SYT16: variants seen among roughly 807,000 people sequenced by gnomAD.
SYT16 encodes the protein synaptotagmin 16, also known as synaptotagmin-16.
SYT16 carries 42 observed loss-of-function variants against 61.4 expected under a neutral mutation model. The observed-to-expected ratio is 0.68, with a 90% CI of 0.53 to 0.89. The LOEUF (loss-of-function observed/expected upper bound fraction) is 0.89. Among genes scored for constraint, SYT16 ranks in the 40% least tolerant of loss-of-function variants. The probability of loss-of-function intolerance (pLI) is 0.00; values close to 1 mark genes in which losing one functional copy is unlikely to be tolerated. For synonymous variants in SYT16, 314 were observed against 302.3 expected (o/e 1.04, Z -0.40); for missense variants, 804 against 807.3 (o/e 1.00, Z 0.05).
At chr14:61,962,611 A>G (rs1408543752) in intron 1 of SYT16, among the ~76,000 whole-genome samples, 1 of 151,886 alleles carries the variant, frequency 6.6e-6, no homozygotes, top group Admixed American at 6.6e-5. Context: ...CCCTTTCTAT[A>G]TTCTCCTTTT....
At chr14:61,834,115 C>T (rs1339462690) in intron 1 of SYT16, among the ~76,000 whole-genome samples, 4 of 151,782 alleles carry the variant, frequency 2.6e-5, no homozygotes, top group South Asian at 2.1e-4. Context: ...GTATACTACA[C>T]GGTTAAATGT....
chr14:62,069,457 CT>C (rs1318370293), intron 3 of SYT16, 145 bp from the exon 4 acceptor site: 4 of 756,190 alleles, frequency 5.3e-6, no homozygotes. Context: ...TGCAAAAGTG[CT>C]TTAAATTTTT....
intron 2 of SYT16, among the ~76,000 whole-genome samples, chr14:61,976,737 G>A (rs1216412946): frequency 6.6e-6 from 1 of 152,138 alleles, no homozygotes; most frequent in Non-Finnish European, 1.5e-5. Context: ...CTCTGAGCCT[G>A]TGATGGGAAG....
chr14:62,063,914 C>T (rs2055940308), intron 3 of SYT16, among the ~76,000 whole-genome samples: 1 of 152,154 alleles, frequency 6.6e-6, no homozygotes, highest in Admixed American at 6.5e-5. Flanking sequence ...GCGGGAGAGT[C>T]AGCTTTCTCT....
chr14:61,947,617 C>G (rs1470547464), intron 1 of SYT16, among the ~76,000 whole-genome samples: 3 of 151,956 alleles, frequency 2.0e-5, no homozygotes, highest in Non-Finnish European at 2.9e-5. Context: ...AAATGTAATC[C>G]TGGAGGTTAT....
chr14:61,866,246 G>T (rs2047148685), intron 1 of SYT16, among the ~76,000 whole-genome samples: 1 of 152,036 alleles, frequency 6.6e-6, no homozygotes, highest in Non-Finnish European at 1.5e-5. Context: ...TGACTTGCTG[G>T]GGCTGGGTTA....
chr14:62,111,916 A>G lies in SYT16; in HGVS notation c.*11209A>G, dbSNP rs1468293341. On this transcript the variant is annotated 3_prime_UTR_variant, in exon 8 of 8. Transcript: ENST00000683842. ...GGTGTCTCTTATTAAAGAAGCATGAATGTATCACTAGCTGTTACCAGAACA... is the reference window on the plus strand; with the variant it reads ...GGTGTCTCTTATTAAAGAAGCATGAGTGTATCACTAGCTGTTACCAGAACA... 1 of 152,148 alleles carries G rather than the reference A, an allele frequency of 6.6e-6. No homozygotes were observed. Among genetic ancestry groups the G allele is most frequent in the Non-Finnish European group, 1.5e-5 (1 of 67,966 alleles). 9.4% of individuals were successfully genotyped at this position (152,148 alleles called of 1,614,324 possible). A position where few individuals can be genotyped will look rare whatever the true frequency, so the allele number is the denominator to read the frequency against.
At chr14:61,820,469 GTTTTTTTTT>G (rs71117856) in intron 1 of SYT16, among the ~76,000 whole-genome samples, 17 of 61,090 alleles carry the variant, frequency 2.8e-4, no homozygotes, top group South Asian at 2.7e-3. Flanking sequence ...CCTCTTCAGA[GTTTTTTTTT>G]TTTTTTTTTT....
chr14:61,932,434 C>T (rs910167788), intron 1 of SYT16, among the ~76,000 whole-genome samples: 2 of 152,164 alleles, frequency 1.3e-5, no homozygotes, highest in Non-Finnish European at 2.9e-5. Flanking sequence ...AACTTACAAT[C>T]GTGGTGGAAG....
chr14:61,886,395 A>G (rs2047901130), intron 1 of SYT16, among the ~76,000 whole-genome samples: 1 of 152,212 alleles, frequency 6.6e-6, no homozygotes, highest in Admixed American at 6.5e-5. Flanking sequence ...AACTCTTTTC[A>G]AAACTAGAGT....
At chr14:62,067,203 A>G (rs955584285) in intron 3 of SYT16, among the ~76,000 whole-genome samples, 2 of 152,230 alleles carry the variant, frequency 1.3e-5, no homozygotes, top group African/African-American at 4.8e-5. Context: ...ACAAGTATTT[A>G]TGAACTACTT....
intron 1 of SYT16, among the ~76,000 whole-genome samples, chr14:61,961,141 T>G (rs1481203836): frequency 6.6e-6 from 1 of 152,134 alleles, no homozygotes; most frequent in Non-Finnish European, 1.5e-5. Flanking sequence ...AAGACTTAAA[T>G]GTAAAACCTA....
At chr14:61,859,614 G>C (rs1001527417) in intron 1 of SYT16, among the ~76,000 whole-genome samples, 1 of 151,678 alleles carries the variant, frequency 6.6e-6, no homozygotes, top group Non-Finnish European at 1.5e-5. Context: ...CAAACTCCTT[G>C]TGTCTGTGTC....
At chr14:62,001,959 C>G (rs2053035797) in intron 3 of SYT16, among the ~76,000 whole-genome samples, 3 of 152,080 alleles carry the variant, frequency 2.0e-5, no homozygotes, top group Admixed American at 2.0e-4. Context: ...CTCTGCTCAT[C>G]ACTTCATGTA....
intron 1 of SYT16, among the ~76,000 whole-genome samples, chr14:61,859,536 G>A (rs61667931): frequency 0.15 from 23,325 of 151,398 alleles, 2,039 homozygotes; most frequent in African/African-American, 0.24. Context: ...TCTCTCTCTC[G>A]ACAGAGAGAG....
intron 3 of SYT16, among the ~76,000 whole-genome samples, chr14:61,997,353 T>C (rs1347834293): frequency 6.6e-6 from 1 of 152,002 alleles, no homozygotes; most frequent in Non-Finnish European, 1.5e-5. Context: ...GTCACACAGA[T>C]TGGTGAGTCA....
At chr14:61,920,856 C>T (rs1396576079) in intron 1 of SYT16, among the ~76,000 whole-genome samples, 2 of 152,110 alleles carry the variant, frequency 1.3e-5, no homozygotes, top group South Asian at 4.2e-4. Flanking sequence ...AATTGAGGCC[C>T]AGAAAGTTTA....
intron 1 of SYT16, among the ~76,000 whole-genome samples, chr14:61,866,303 A>T (rs1196684725): frequency 6.6e-6 from 1 of 152,160 alleles, no homozygotes; most frequent in Admixed American, 6.5e-5. Context: ...TTGCCAAAAA[A>T]GGAAGAGGAG....
chr14:62,013,438 A>G (rs1406226174), intron 3 of SYT16, among the ~76,000 whole-genome samples: 1 of 152,202 alleles, frequency 6.6e-6, no homozygotes, highest in Non-Finnish European at 1.5e-5. Context: ...GGACTTACAC[A>G]TTCCTAGGTC....
Sources: gnomAD v4.1 joint callset for allele counts (sites outside exome capture counted in the v4.1 genomes callset) on GRCh38, gnomAD v4.1.1 for gene constraint, MANE v1.5 for transcripts, NCBI Gene and HGNC (gene_info 2026-07-23, HGNC 2026-07-21) for gene names.